TONSL: variants seen among roughly 807,000 people sequenced by gnomAD.
TONSL encodes the protein tonsoku-like protein.
TONSL carries 112 observed loss-of-function variants against 147.1 expected under a neutral mutation model. That is an observed-to-expected ratio of 0.76 (90% confidence interval 0.65 to 0.89). The LOEUF is 0.89. Among genes scored for constraint, TONSL ranks in the 40% least tolerant of loss-of-function variants. The pLI, the probability that TONSL is intolerant of heterozygous loss-of-function variation, is 0.00. For synonymous variants in TONSL, 868 were observed against 801.5 expected, an observed-to-expected ratio of 1.08 and a Z score of -1.40; for missense variants, 1,883 against 1,864.6, an observed-to-expected ratio of 1.01 and a Z score of -0.18.
intron 3 of TONSL, 68 bp from the exon 4 acceptor site, chr8:144,443,389 C>T: frequency 7.0e-7 from 1 of 1,438,730 alleles, no homozygotes; most frequent in Non-Finnish European, 9.4e-7. Flanking sequence ...CGCCAGATTC[C>T]CAGAGACCCT....
chr8:144,432,354 C>A lies in TONSL; in HGVS notation c.3666G>T (p.Glu1222Asp). The change falls in exon 23 of 26, where the codon GAG becomes GAT. Residue 1222 changes from glutamate to aspartate, a missense_variant. Glu to Asp is a conservative substitution (Grantham distance 45). Transcript: ENST00000409379. ...SLPAGTLLHL[E>D]LSSVAAGKGD... ...CCTTGCCGGCTGCCACGGAGCTGAG[C>A]TCTAAGTGCAGGAGGGTGCCGGCGG... 1 of 1,613,586 alleles carries A rather than the reference C, an allele frequency of 6.2e-7. No individual in the cohort carries two copies. Among genetic ancestry groups the A allele is most frequent in the Non-Finnish European group, 8.5e-7 (1 of 1,179,886 alleles).
At chr8:144,434,592 G>C (rs1014925653) in intron 20 of TONSL, among the ~76,000 whole-genome samples, 23 of 152,152 alleles carry the variant, frequency 1.5e-4, no homozygotes, top group African/African-American at 4.8e-4. Context: ...CCAGGCTTTC[G>C]GCTGCTTTTT....
rs147880958 is a variant in TONSL, at chr8:144,437,060, G to A, written c.1693C>T (p.Pro565Ser). The A allele has an allele frequency of 3.2e-5, 51 of 1,613,100 alleles. No homozygotes were observed. The African/African-American group carries it at 6.1e-4, about 19-fold the overall frequency. Residue 565 changes from proline (P) to serine (S), a missense_variant, in exon 14 of 26, where the codon CCT becomes TCT. Pro to Ser is a moderately conservative substitution (Grantham distance 74, BLOSUM62 -1). Transcript: ENST00000409379. ...LNPRDYCGWT[P>S]LHEACNYGHL... is the part of the protein sequence containing the mutation. ...CCGTAGTTGCAGGCCTCGTGCAGAGGTGTCCAGCCACAGTAGTCCCGAGGG... is the reference window on the plus strand; with the variant it reads ...CCGTAGTTGCAGGCCTCGTGCAGAGATGTCCAGCCACAGTAGTCCCGAGGG...
rs776854925 is a variant in TONSL, at chr8:144,443,178, G to A, written c.408C>T (p.Ala136=). Residue 136 remains alanine (A), a synonymous_variant, in exon 4 of 26, where the codon GCC becomes GCT. Coordinates refer to ENST00000409379, the MANE Select transcript of TONSL (RefSeq NM_013432.5). Reference sequence around the variant, plus strand: ...CCACAATAGCCAAGCTCTTCTCAAAGGCAGCCTGTGCCTGCAGCAAAGCAT... The same window carrying A: ...CCACAATAGCCAAGCTCTTCTCAAAAGCAGCCTGTGCCTGCAGCAAAGCAT... The part of the protein sequence containing the change: ...SRDALLQAQA[A]FEKSLAIVDE... 6.4e-7 allele frequency: 1 copy of A among 1,550,784 alleles called. No homozygotes were observed.
At chr8:144,438,152 T>C (rs1823549998) in intron 13 of TONSL, 2 of 395,436 alleles carry the variant, frequency 5.1e-6, no homozygotes, top group South Asian at 3.3e-5. Flanking sequence ...CTGCCTGCCT[T>C]GGCATCCCAA....
At chr8:144,440,643 G>T in intron 9 of TONSL, 75 bp downstream of exon 9, 1 of 1,555,852 alleles carries the variant, frequency 6.4e-7, no homozygotes. Context: ...ACCTGTCCAT[G>T]GCCACCCTGA....
chr8:144,435,441 G>C (rs753934558), intron 18 of TONSL, 33 bp downstream of exon 18: 2 of 1,502,782 alleles, frequency 1.3e-6, no homozygotes, highest in Non-Finnish European at 1.8e-6. Context: ...AGCTGCACAG[G>C]TGGGCTGCGG....
intron 25 of TONSL, 139 bp from the exon 26 acceptor site, chr8:144,429,475 G>C (rs1281415141): frequency 1.4e-6 from 1 of 730,454 alleles, no homozygotes; most frequent in Admixed American, 4.1e-5. Flanking sequence ...GAGCTCCGGA[G>C]AGGCCCCATG....
At chr8:144,439,915 C>T (rs997887138) in intron 11 of TONSL, 106 bp downstream of exon 11, 1 of 639,824 alleles carries the variant, frequency 1.6e-6, no homozygotes, top group Non-Finnish European at 2.8e-6. Context: ...CTGCCTGTGG[C>T]TGTTCCTGCT....
intron 7 of TONSL, 108 bp from the exon 8 acceptor site, chr8:144,441,219 T>A: frequency 7.0e-7 from 1 of 1,438,340 alleles, no homozygotes; most frequent in Non-Finnish European, 9.3e-7. Flanking sequence ...TCTCCACACC[T>A]CTGCCTGCCT....
intron 9 of TONSL, 72 bp from the exon 10 acceptor site, chr8:144,440,548 C>T (rs918274589): frequency 4.6e-5 from 70 of 1,533,728 alleles, no homozygotes; most frequent in African/African-American, 4.4e-4. Flanking sequence ...CAAGCTTCCC[C>T]GGCTGCCCAG....
At position 144,436,782 on chromosome 8, in the gene TONSL, G is replaced by GC. The variant is rs762903420; in HGVS notation, c.1864dup (p.Ala622GlyfsTer67). 7 of 1,611,066 alleles carry GC rather than the reference G, an allele frequency of 4.3e-6. No homozygotes were observed. The highest frequency in any genetic ancestry group is 1.7e-5 in the Admixed American group (1 of 59,994). On this transcript the variant is annotated frameshift_variant, in exon 15 of 26. Coordinates refer to ENST00000409379, the MANE Select transcript of TONSL (RefSeq NM_013432.5). LOFTEE classifies it high-confidence loss of function. ...CTTTCGAGTGCGGAGGGTGACGGAC[G>GC]CCCCCCGTTCAAGCAGCAGCTCAGC...
At position 144,442,805 on chromosome 8, in the gene TONSL, C is replaced by G. The variant is rs2129697703; in HGVS notation, c.450G>C (p.Gly150=). Reference sequence around the variant, plus strand: ...CATTCAGCTCTCCCTGGGCCAGTGTCCCTGGAAGATACCCCCCCAAACACT... The same window carrying G: ...CATTCAGCTCTCCCTGGGCCAGTGTGCCTGGAAGATACCCCCCCAAACACT... ...SLAIVDEELE[G]TLAQGELNEM... The change falls in exon 5 of 26, where the codon GGG becomes GGC. Residue 150 remains glycine (G), a splice_region_variant and synonymous_variant. Coordinates refer to ENST00000409379, the MANE Select transcript of TONSL (RefSeq NM_013432.5). The G allele has an allele frequency of 1.2e-6, 2 of 1,610,286 alleles. No individual in the cohort carries two copies. Among genetic ancestry groups the G allele is most frequent in the Non-Finnish European group, 1.7e-6 (2 of 1,178,572 alleles).
Position 144,443,917 on chromosome 8 carries a change from G to A in TONSL, c.229C>T (p.Leu77=). 1.3e-6 allele frequency: 2 copies of A among 1,545,372 alleles called. No homozygotes were observed. The highest frequency in any genetic ancestry group is 2.4e-5 in the East Asian group (1 of 40,912). Residue 77 remains leucine, a synonymous_variant, in exon 3 of 26, where the codon CTG becomes TTG. Transcript: ENST00000409379. ...AVAHRKIGER[L]AEMEDYPAAL... is the part of the protein sequence containing the mutation. ...GCCGGGTAGTCCTCCATCTCGGCCA[G>A]GCGCTCTCCGATCTTGCGGTGGGCC...
intron 9 of TONSL, 39 bp downstream of exon 9, chr8:144,440,679 T>G: frequency 6.3e-7 from 1 of 1,595,200 alleles, no homozygotes; most frequent in Non-Finnish European, 8.6e-7. Context: ...GGCAGAGACA[T>G]GGGTGAACCT....
In TONSL at chr8:144,436,534, A is replaced by C. The variant is rs765861229; in HGVS notation, c.2014+24T>G. On this transcript the variant is annotated intron_variant, in intron 16 of 25. Transcript: ENST00000409379. ...CTCTCAGCGTAGGCACAGCAACCCCAGGGACAAGGGACGCCCTGCTTGCCT... is the reference window on the plus strand; with the variant it reads ...CTCTCAGCGTAGGCACAGCAACCCCCGGGACAAGGGACGCCCTGCTTGCCT... The C allele has an allele frequency of 3.1e-6, 5 of 1,604,606 alleles. No homozygotes were observed. In the South Asian group the frequency reaches 5.5e-5, roughly 18 times the overall value.
At position 144,444,402 on chromosome 8, in the gene TONSL, G is replaced by C; in HGVS notation, c.13C>G (p.Arg5Gly). MSLERELRQLSKAKA... is the reference protein window; with the variant it reads MSLEGELRQLSKAKA... ...CCGAGGAACTTACGGCGAAGCTCGC[G>C]CTCCAGGCTCATGCTCGGATCGCCG... Residue 5 changes from arginine to glycine, a missense_variant, in exon 1 of 26, where the codon CGC becomes GGC. Arg to Gly is a moderately radical substitution (Grantham distance 125, BLOSUM62 -2). Transcript: ENST00000409379. The C allele has an allele frequency of 3.2e-6, 4 of 1,266,814 alleles. No homozygotes were observed. Among genetic ancestry groups the C allele is most frequent in the Non-Finnish European group, 4.0e-6 (4 of 1,004,514 alleles). 78.5% of individuals were successfully genotyped at this position (1,266,814 alleles called of 1,614,324 possible). A position where few individuals can be genotyped will look rare whatever the true frequency, so the allele number is the denominator to read the frequency against.
In TONSL at chr8:144,440,099, C is replaced by T; in HGVS notation, c.1402G>A (p.Glu468Lys). Residue 468 changes from glutamate to lysine, a missense_variant, in exon 11 of 26, where the codon GAG becomes AAG. Coordinates refer to ENST00000409379, the MANE Select transcript of TONSL (RefSeq NM_013432.5). ...GCTGCCGCCTCCTCCGCCTCCTCCT[C>T]CTCATCTTCATCTTCAGCTACACTG... is the stretch of plus-strand genomic sequence containing the variant. Reference protein sequence around the residue: ...ELSVAEDEDEEEEAEEAAATA... With the variant: ...ELSVAEDEDEKEEAEEAAATA... 1 of 1,611,076 alleles carries T rather than the reference C, an allele frequency of 6.2e-7. No individual in the cohort carries two copies. The highest frequency in any genetic ancestry group is 1.3e-5 in the African/African-American group (1 of 74,966).
At chr8:144,438,632 G>T (rs772527048) in intron 12 of TONSL, 21 bp downstream of exon 12, 2 of 1,612,550 alleles carry the variant, frequency 1.2e-6, no homozygotes, top group African/African-American at 2.7e-5. Flanking sequence ...GGGGTGGGTG[G>T]GGGCAGGGCA....
Sources: allele counts gnomAD v4.1 joint callset (sites outside exome capture counted in the v4.1 genomes callset), GRCh38; gene constraint gnomAD v4.1.1; transcripts MANE v1.5; gene names NCBI Gene and HGNC (gene_info 2026-07-23, HGNC 2026-07-21).